SUDS3: variants seen among roughly 807,000 people sequenced by gnomAD.
The protein encoded by SUDS3 is SIN3A corepressor complex component SDS3, also known as sin3 histone deacetylase corepressor complex component SDS3.
A neutral mutation model predicts 53.5 loss-of-function variants in SUDS3; 23 were observed. The observed-to-expected ratio is 0.43, with a 90% CI of 0.31 to 0.61. SUDS3 has a LOEUF of 0.61. SUDS3 is among the 20% of genes least tolerant of loss of function. The pLI, the probability that SUDS3 is intolerant of heterozygous loss-of-function variation, is 0.10. For synonymous variants in SUDS3, 150 were observed against 148.5 expected (o/e 1.01, Z -0.08); for missense variants, 291 against 405.9 (o/e 0.72, Z 2.43).
intron 6 of SUDS3, among the ~76,000 whole-genome samples, chr12:118,400,177 T>C (rs1483820771): frequency 6.6e-6 from 1 of 152,118 alleles, no homozygotes; most frequent in Non-Finnish European, 1.5e-5. Context: ...AGTCTGTAAA[T>C]GAAAACTTCG....
intron 1 of SUDS3, among the ~76,000 whole-genome samples, chr12:118,379,293 C>T (rs1204053379): frequency 2.0e-5 from 3 of 151,964 alleles, no homozygotes; most frequent in South Asian, 2.1e-4. Flanking sequence ...AAAAAGTAGC[C>T]GGGTGTGGTG....
At chr12:118,380,662 A>G (rs2046049088) in intron 2 of SUDS3, among the ~76,000 whole-genome samples, 1 of 152,226 alleles carries the variant, frequency 6.6e-6, no homozygotes, top group African/African-American at 2.4e-5. Context: ...CAATGGACCC[A>G]GGGGAGGGAA....
chr12:118,387,143 C>T (rs548891727), intron 4 of SUDS3, among the ~76,000 whole-genome samples: 1 of 152,254 alleles, frequency 6.6e-6, no homozygotes, highest in African/African-American at 2.4e-5. Flanking sequence ...TGTGGGTGGG[C>T]GCTGAGAAAG....
intron 6 of SUDS3, among the ~76,000 whole-genome samples, chr12:118,392,224 G>T (rs1052588685): frequency 2.6e-5 from 4 of 152,178 alleles, no homozygotes; most frequent in African/African-American, 9.7e-5. Flanking sequence ...TCTGATTTTA[G>T]CAGGGTTCTG....
chr12:118,381,462 A>G (rs2046058745), intron 2 of SUDS3, among the ~76,000 whole-genome samples: 1 of 151,980 alleles, frequency 6.6e-6, no homozygotes, highest in African/African-American at 2.4e-5. Context: ...GGCTCACTGC[A>G]ACCTCTGCCT....
chr12:118,416,149 C>G lies in SUDS3; in HGVS notation c.*1716C>G, dbSNP rs552077374. The G allele has an allele frequency of 3.9e-5, 6 of 152,206 alleles. No homozygotes were observed. Among genetic ancestry groups the G allele is most frequent in the African/African-American group, 1.2e-4 (5 of 41,446 alleles). 9.4% of individuals were successfully genotyped at this position (152,206 alleles called of 1,614,324 possible). A position where few individuals can be genotyped will look rare whatever the true frequency, so the allele number is the denominator to read the frequency against. ...AGGACTTCCCTCGCTTGAACTGTTA[C>G]ACATACGATGTGTGTGTCACATCAC... On this transcript the variant is annotated 3_prime_UTR_variant, in exon 12 of 12. Coordinates refer to ENST00000543473, the MANE Select transcript of SUDS3 (RefSeq NM_022491.3).
chr12:118,403,332 G>A (rs1209416149), intron 9 of SUDS3, 80 bp from the exon 10 acceptor site: 8 of 1,070,110 alleles, frequency 7.5e-6, no homozygotes, highest in Non-Finnish European at 1.1e-5. Flanking sequence ...TTCTGATAGT[G>A]TTTCAATTAA....
At chr12:118,395,118 T>A (rs995929205) in intron 6 of SUDS3, among the ~76,000 whole-genome samples, 1 of 151,100 alleles carries the variant, frequency 6.6e-6, no homozygotes, top group Non-Finnish European at 1.5e-5. Context: ...CCCACACAAA[T>A]ATCTGGAGAG....
At position 118,376,575 on chromosome 12, in the gene SUDS3, C is replaced by T. The variant is rs962597023; in HGVS notation, c.-117C>T. ...TCGGCGGAGACGGGGAAGGGGTCGC[C>T]GTGGCTGCCGGTCCTCGAGTTGGGG... On this transcript the variant is annotated 5_prime_UTR_variant, in exon 1 of 12. Transcript: ENST00000543473. 83 of 1,220,194 alleles carry T rather than the reference C, an allele frequency of 6.8e-5. No homozygotes were observed. In the African/African-American group the frequency reaches 1.2e-3, roughly 17 times the overall value. 75.6% of individuals were successfully genotyped at this position (1,220,194 alleles called of 1,614,324 possible).
At position 118,416,746 on chromosome 12, in the gene SUDS3, T is replaced by C. The variant is rs2046404115; in HGVS notation, c.*2313T>C. The C allele has an allele frequency of 6.6e-6, 1 of 152,206 alleles. No homozygotes were observed. Among genetic ancestry groups the C allele is most frequent in the Non-Finnish European group, 1.5e-5 (1 of 68,038 alleles). The allele number at this position is 152,206 out of a possible 1,614,324, so 9.4% of individuals were successfully genotyped here. ...TCCTGTTAGTAGATGGGGGTACTTCTGTGGTGGGCAGAAGCCTTACTAAAG... is the reference window on the plus strand; with the variant it reads ...TCCTGTTAGTAGATGGGGGTACTTCCGTGGTGGGCAGAAGCCTTACTAAAG... On this transcript the variant is annotated 3_prime_UTR_variant, in exon 12 of 12. Transcript: ENST00000543473.
In SUDS3 at chr12:118,417,692, TAAAG is replaced by T. The variant is rs1404348412; in HGVS notation, c.*3263_*3266del. 2 of 151,122 alleles carry T rather than the reference TAAAG, an allele frequency of 1.3e-5. No homozygotes were observed. Among genetic ancestry groups the T allele is most frequent in the East Asian group, 3.9e-4 (2 of 5,176 alleles). 9.4% of individuals were successfully genotyped at this position (151,122 alleles called of 1,614,324 possible). On this transcript the variant is annotated 3_prime_UTR_variant, in exon 12 of 12. Coordinates refer to ENST00000543473, the MANE Select transcript of SUDS3 (RefSeq NM_022491.3). The stretch of plus-strand genomic sequence containing the variant: ...AAAGGTATAGGTTTTTTTTTTTTTT[TAAAG>T]AAAACAATAAACTTTCAAAGAGAAA...
At chr12:118,385,458 G>A (rs979117039) in intron 3 of SUDS3, among the ~76,000 whole-genome samples, 7 of 152,226 alleles carry the variant, frequency 4.6e-5, no homozygotes, top group South Asian at 2.1e-4. Flanking sequence ...AGTGATCCAC[G>A]CCCTTGGACT....
At position 118,416,420 on chromosome 12, in the gene SUDS3, A is replaced by G. The variant is rs1164620089; in HGVS notation, c.*1987A>G. ...GGACCTCTGCTTTTGTGAAGCAACT[A>G]TTTATTTGAAGACCAGGGTATGGGC... On this transcript the variant is annotated 3_prime_UTR_variant, in exon 12 of 12. Transcript: ENST00000543473. The G allele has an allele frequency of 2.6e-5, 4 of 151,860 alleles. No homozygotes were observed. Among genetic ancestry groups the G allele is most frequent in the Non-Finnish European group, 4.4e-5 (3 of 67,980 alleles). 9.4% of individuals were successfully genotyped at this position (151,860 alleles called of 1,614,324 possible).
Position 118,397,444 on chromosome 12 carries a change from G to T in SUDS3, c.518-3215G>T, listed in dbSNP as rs115765769. 9.3e-3 allele frequency among the ~76,000 whole-genome samples: 1,421 copies of T among 152,218 alleles called. 28 individuals carry two copies. Among genetic ancestry groups the T allele is most frequent in the African/African-American group, 0.032 (1,331 of 41,516 alleles). On this transcript the variant is annotated intron_variant, in intron 6 of 11. Coordinates refer to ENST00000543473, the MANE Select transcript of SUDS3 (RefSeq NM_022491.3). ...TCCATCCTTCTATGAAAAATCCACC[G>T]TAAAAGCCAACTAGACCAACCTGGC...
intron 6 of SUDS3, among the ~76,000 whole-genome samples, chr12:118,392,595 G>C (rs1455921716): frequency 6.6e-6 from 1 of 152,198 alleles, no homozygotes; most frequent in African/African-American, 2.4e-5. Flanking sequence ...TTGTTCTTGT[G>C]AAAGTGCTTA....
intron 6 of SUDS3, among the ~76,000 whole-genome samples, 182 bp from the exon 7 acceptor site, chr12:118,400,477 T>C (rs564226313): frequency 6.6e-6 from 1 of 152,302 alleles, no homozygotes; most frequent in Admixed American, 6.5e-5. Flanking sequence ...GTCTGAATCT[T>C]ACAAGTATAA....
At chr12:118,410,420 A>G (rs2046347437) in intron 10 of SUDS3, among the ~76,000 whole-genome samples, 1 of 152,164 alleles carries the variant, frequency 6.6e-6, no homozygotes, top group Non-Finnish European at 1.5e-5. Flanking sequence ...ACTGGGTCAT[A>G]TAGTCCAAAA....
chr12:118,377,096 C>G (rs1355961407), intron 1 of SUDS3, among the ~76,000 whole-genome samples: 1 of 152,074 alleles, frequency 6.6e-6, no homozygotes, highest in Admixed American at 6.5e-5. Context: ...CCCGTCCTCC[C>G]TCCCAGCCGT....
intron 2 of SUDS3, among the ~76,000 whole-genome samples, chr12:118,380,746 G>A (rs537620130): frequency 7.2e-5 from 11 of 152,180 alleles, no homozygotes; most frequent in South Asian, 2.1e-4. Flanking sequence ...TTGCTCTTTC[G>A]TCCAGACTGG....
Sources: gnomAD v4.1 joint callset for allele counts (sites outside exome capture counted in the v4.1 genomes callset) on GRCh38, gnomAD v4.1.1 for gene constraint, MANE v1.5 for transcripts, NCBI Gene and HGNC (gene_info 2026-07-23, HGNC 2026-07-21) for gene names.